SYNE2: variants seen among roughly 807,000 people sequenced by gnomAD.
SYNE2 encodes nesprin-2.
SYNE2 carries 431 observed loss-of-function variants against 856.3 expected under a neutral mutation model. The observed-to-expected ratio is 0.50, with a 90% CI of 0.47 to 0.55. The LOEUF (loss-of-function observed/expected upper bound fraction) is 0.55. Among genes scored for constraint, SYNE2 ranks in the 20% least tolerant of loss-of-function variants. The pLI is 0.00. For missense variants in SYNE2, 8,129 were observed against 8,023.2 expected (o/e 1.01, Z -0.50); for synonymous variants, 2,923 against 2,872.3 (o/e 1.02, Z -0.56).
chr14:64,214,732 G>T (rs2053627954), intron 106 of SYNE2, among the ~76,000 whole-genome samples: 1 of 152,112 alleles, frequency 6.6e-6, no homozygotes. Context: ...CTGGCTGTCT[G>T]GGAGACTCAT....
intron 1 of SYNE2, among the ~76,000 whole-genome samples, chr14:63,905,815 C>A (rs560615739): frequency 2.6e-5 from 4 of 152,112 alleles, no homozygotes; most frequent in Non-Finnish European, 5.9e-5. Flanking sequence ...ATTGCTCTGG[C>A]GGGGGCTTCC....
chr14:64,053,139 T>C lies in SYNE2; in HGVS notation c.9226T>C (p.Ser3076Pro). The C allele has an allele frequency of 6.2e-7, 1 of 1,614,008 alleles. No individual in the cohort carries two copies. Among genetic ancestry groups the C allele is most frequent in the Non-Finnish European group, 8.5e-7 (1 of 1,179,998 alleles). ...TEVVLKAPDSSPESRRLNAQI... is the reference protein window; with the variant it reads ...TEVVLKAPDSPPESRRLNAQI... The stretch of plus-strand genomic sequence containing the variant: ...AGTAGTACTAAAAGCTCCTGATAGC[T>C]CTCCGGAAAGCAGACGGCTCAATGC... Residue 3076 changes from serine to proline, a missense_variant, in exon 48 of 116, where the codon TCT (serine) becomes CCT (proline). Around this residue, in one of 3 missense-constraint regions of SYNE2, gnomAD observed 5,410 missense variants for 5,284.8 expected, o/e 1.02. Transcript: ENST00000555002.
chr14:64,034,624 C>A, intron 45 of SYNE2: 1 of 488,134 alleles, frequency 2.0e-6, no homozygotes, highest in Non-Finnish European at 3.7e-6. Context: ...TTTGGTTGAC[C>A]TTTTCTTTAA....
intron 49 of SYNE2, among the ~76,000 whole-genome samples, chr14:64,057,869 A>G (rs147804225): frequency 2.0e-5 from 3 of 152,378 alleles, no homozygotes; most frequent in East Asian, 1.9e-4. Flanking sequence ...TCTGATGGTC[A>G]GTGATGCTGA....
chr14:64,041,453 A>C (rs917657667), intron 45 of SYNE2, among the ~76,000 whole-genome samples: 10 of 151,350 alleles, frequency 6.6e-5, no homozygotes, highest in African/African-American at 2.2e-4. Flanking sequence ...TCCAGAATAC[A>C]AAAAAATAGC....
chr14:63,881,148 AT>A (rs550090815), intron 1 of SYNE2, among the ~76,000 whole-genome samples: 12 of 145,090 alleles, frequency 8.3e-5, no homozygotes, highest in South Asian at 2.2e-4. Flanking sequence ...GTGCCCGGCA[AT>A]TTTTTTTTTT....
At chr14:63,988,516 G>A (rs919094132) in intron 19 of SYNE2, among the ~76,000 whole-genome samples, 8 of 152,074 alleles carry the variant, frequency 5.3e-5, no homozygotes, top group African/African-American at 1.9e-4. Flanking sequence ...CAAAAAAATT[G>A]AAATCACTGT....
chr14:64,063,194 C>T (rs1023731320), intron 50 of SYNE2, among the ~76,000 whole-genome samples: 3 of 152,080 alleles, frequency 2.0e-5, no homozygotes, highest in Non-Finnish European at 4.4e-5. Flanking sequence ...GATTACAGTG[C>T]CCGCCACCAT....
intron 2 of SYNE2, among the ~76,000 whole-genome samples, chr14:63,923,657 G>GAT (rs2095626777): frequency 6.6e-6 from 1 of 152,130 alleles, no homozygotes; most frequent in Non-Finnish European, 1.5e-5. Flanking sequence ...TAATCTTATA[G>GAT]ATATTAGCTA....
chr14:63,814,439 CAT>C (rs1387146598), intron 1 of SYNE2, among the ~76,000 whole-genome samples: 3 of 80,204 alleles, frequency 3.7e-5, no homozygotes, highest in Non-Finnish European at 8.6e-5. Context: ...TATATATATC[CAT>C]ATATATAATA....
chr14:63,921,463 C>T (rs2095599914), intron 2 of SYNE2, among the ~76,000 whole-genome samples: 1 of 152,070 alleles, frequency 6.6e-6, no homozygotes. Flanking sequence ...GAAAAAGCAA[C>T]ACAAGCCCGT....
chr14:63,978,074 GATACTAC>G, intron 13 of SYNE2, 57 bp downstream of exon 13: 1 of 1,101,412 alleles, frequency 9.1e-7, no homozygotes, highest in East Asian at 2.4e-5. Flanking sequence ...AGTAACAACT[GATACTAC>G]AGGGACCACA....
chr14:63,908,318 C>A (rs192146476), intron 1 of SYNE2, among the ~76,000 whole-genome samples: 20 of 152,250 alleles, frequency 1.3e-4, no homozygotes, highest in East Asian at 1.2e-3. Flanking sequence ...ATGTACACCC[C>A]CAATCTACTT....
At chr14:64,134,242 C>T (rs1307437366) in intron 78 of SYNE2, 42 bp downstream of exon 78, 1 of 1,607,056 alleles carries the variant, frequency 6.2e-7, no homozygotes, top group Non-Finnish European at 8.5e-7. Context: ...GTGTCCATAG[C>T]ACTTTGTGTT....
intron 6 of SYNE2, 62 bp downstream of exon 6, chr14:63,942,205 G>A: frequency 1.9e-6 from 2 of 1,030,962 alleles, no homozygotes; most frequent in Non-Finnish European, 3.0e-6. Flanking sequence ...TAAATGTAAT[G>A]CAATAAGTGT....
rs1201557950 is a variant in SYNE2 at position 63,998,132 on chromosome 14, G to C, written c.3244-87G>C. 6.3e-6 allele frequency: 6 copies of C among 958,478 alleles called. No homozygotes were observed. In the African/African-American group the frequency reaches 8.1e-5, roughly 13 times the overall value. 59.4% of individuals were successfully genotyped at this position (958,478 alleles called of 1,614,324 possible). ...CTGGTTTGAGGTATAAAGAATCAAT[G>C]ATACATTTTTGAACATAAGCATTTA... is the stretch of plus-strand genomic sequence containing the variant. On this transcript the variant is annotated intron_variant, in intron 25 of 115. Coordinates refer to ENST00000555002, the MANE Select transcript of SYNE2 (RefSeq NM_182914.3).
chr14:64,106,141 C>CG (rs1491100402), intron 64 of SYNE2, among the ~76,000 whole-genome samples: 1 of 148,454 alleles, frequency 6.7e-6, no homozygotes, highest in Non-Finnish European at 1.5e-5. Context: ...GACCCCCCCC[C>CG]CCAACCAACA....
chr14:63,814,997 CAT>C (rs1555341184), intron 1 of SYNE2, among the ~76,000 whole-genome samples: 2 of 62,320 alleles, frequency 3.2e-5, no homozygotes, highest in African/African-American at 1.0e-4. Context: ...TATATACATC[CAT>C]ATATATCCAT....
Position 64,165,376 on chromosome 14 carries a change from A to C in SYNE2, c.16571A>C (p.His5524Pro), listed in dbSNP as rs780180907. The change falls in exon 90 of 116, where the codon CAC becomes CCC. Residue 5524 changes from histidine to proline, a missense_variant. Physicochemically the swap from His to Pro is moderately conservative, Grantham distance 77. This residue lies in a region of SYNE2 where 5,410 missense variants were observed against 5,284.8 expected (regional missense o/e 1.02). Transcript: ENST00000555002. ...GAAGAAGAGAATTTGGATAGACTTCACCAACAGGAAAAAGAAAATCCTGAC... is the reference window on the plus strand; with the variant it reads ...GAAGAAGAGAATTTGGATAGACTTCCCCAACAGGAAAAAGAAAATCCTGAC... The part of the protein sequence containing the change: ...MHEEENLDRL[H>P]QQEKENPDSF... The C allele has an allele frequency of 1.2e-6, 2 of 1,614,036 alleles. No individual in the cohort carries two copies. The highest frequency in any genetic ancestry group is 2.2e-5 in the South Asian group (2 of 91,080).
Sources: gnomAD v4.1 joint callset for allele counts (sites outside exome capture counted in the v4.1 genomes callset) on GRCh38, gnomAD v4.1.1 for gene constraint, gnomAD v4.1.1 regional missense constraint, MANE v1.5 for transcripts, NCBI Gene and HGNC (gene_info 2026-07-23, HGNC 2026-07-21) for gene names.